PRR12: variants seen among roughly 807,000 people sequenced by gnomAD.
PRR12 encodes the protein proline rich 12.
Under a neutral mutation model 138.0 loss-of-function variants are expected in PRR12, and 12 were observed. That is an observed-to-expected ratio of 0.09 (90% CI 0.06 to 0.14). The LOEUF (loss-of-function observed/expected upper bound fraction) is 0.14, where lower values mean the gene tolerates loss of function less well. Among genes scored for constraint, PRR12 ranks in the 10% least tolerant of loss-of-function variants. The pLI, the probability that PRR12 is intolerant of heterozygous loss-of-function variation, is 1.00. For missense variants in PRR12, 2,692 were observed against 2,861.3 expected (o/e 0.94, Z 1.35); for synonymous variants, 1,567 against 1,291.7 (o/e 1.21, Z -4.57).
At chr19:49,602,979 C>T (rs2080820233) in intron 6 of PRR12, among the ~76,000 whole-genome samples, 1 of 152,282 alleles carries the variant, frequency 6.6e-6, no homozygotes, top group South Asian at 2.1e-4. Flanking sequence ...ATCCAGCCCA[C>T]TGCTTGTTTT....
chr19:49,615,909 C>A lies in PRR12; in HGVS notation c.5187C>A (p.Pro1729=). The change falls in exon 9 of 14, where the codon CCC becomes CCA. Residue 1729 remains proline (P), a synonymous_variant. Coordinates refer to ENST00000418929, the MANE Select transcript of PRR12 (RefSeq NM_020719.3). ...CGGCCATGCCTGAGCCCCCTGCCCC[C>A]GAGAAGCCCTCCCTCCTGCGGCCTG... The part of the protein sequence containing the change: ...PETAMPEPPA[P]EKPSLLRPVE... 3 of 1,563,914 alleles carry A rather than the reference C, an allele frequency of 1.9e-6. No individual in the cohort carries two copies. The highest frequency in any genetic ancestry group is 2.6e-6 in the Non-Finnish European group (3 of 1,154,246).
At position 49,599,363 on chromosome 19, in the gene PRR12, G is replaced by T. The variant is rs749403110; in HGVS notation, c.3770G>T (p.Ser1257Ile). The change falls in exon 5 of 14, where the codon AGC becomes ATC. Residue 1257 changes from serine (S) to isoleucine (I), a missense_variant. Physicochemically the swap from Ser to Ile is moderately radical, Grantham distance 142. Coordinates refer to ENST00000418929, the MANE Select transcript of PRR12 (RefSeq NM_020719.3). The surrounding 1 kb of genome is among the most constrained non-coding windows in gnomAD (Gnocchi z 5.0). The stretch of plus-strand genomic sequence containing the variant: ...ACTGACCACAACAGCCTGGACTCGA[G>T]CCTGACTCGGGAGAAGATCGAGGCC... Reference protein sequence around the residue: ...SGTDHNSLDSSLTREKIEAKI... With the variant: ...SGTDHNSLDSILTREKIEAKI... The T allele has an allele frequency of 1.4e-5, 22 of 1,613,188 alleles. No homozygotes were observed. Among genetic ancestry groups the T allele is most frequent in the Non-Finnish European group, 1.7e-5 (20 of 1,179,752 alleles).
chr19:49,609,030 G>C (rs1358018349), intron 6 of PRR12, among the ~76,000 whole-genome samples: 1 of 152,182 alleles, frequency 6.6e-6, no homozygotes, highest in Non-Finnish European at 1.5e-5. Context: ...TCACTGGGTG[G>C]AGACTGGGCA....
intron 6 of PRR12, among the ~76,000 whole-genome samples, chr19:49,603,046 G>A (rs1188506672): frequency 6.6e-6 from 1 of 152,210 alleles, no homozygotes; most frequent in South Asian, 2.1e-4. Flanking sequence ...TGTTGTCTAT[G>A]GCTGTTTTTC....
chr19:49,620,019 A>G (rs573556969), intron 9 of PRR12, among the ~76,000 whole-genome samples: 2 of 150,886 alleles, frequency 1.3e-5, no homozygotes, highest in South Asian at 2.1e-4. Flanking sequence ...CGCCTGGATA[A>G]TTTTTGTATT....
chr19:49,601,569 C>A lies in PRR12; in HGVS notation c.4424C>A (p.Pro1475His), dbSNP rs777541862. 5.8e-6 allele frequency: 9 copies of A among 1,541,880 alleles called. No homozygotes were observed. The highest frequency in any genetic ancestry group is 7.9e-6 in the Non-Finnish European group (9 of 1,140,904). The change falls in exon 6 of 14, where the codon CCT (proline) becomes CAT (histidine). Residue 1475 changes from proline to histidine, a missense_variant. Coordinates refer to ENST00000418929, the MANE Select transcript of PRR12 (RefSeq NM_020719.3). ...PTPQPQPPPP[P>H]PPPQPALPSP... ...CCTCAGCCTCAGCCTCCGCCACCCC[C>A]TCCGCCGCCACAGCCAGCCCTGCCC... is the stretch of plus-strand genomic sequence containing the variant.
intron 9 of PRR12, among the ~76,000 whole-genome samples, chr19:49,618,937 GCT>G: frequency 1.3e-5 from 2 of 151,928 alleles, no homozygotes; most frequent in Non-Finnish European, 2.9e-5. Flanking sequence ...CCTGCTCTCA[GCT>G]CTCTCATGGC....
Position 49,616,189 on chromosome 19 carries a change from G to C in PRR12, c.5467G>C (p.Glu1823Gln), listed in dbSNP as rs1309845356. 6.4e-7 allele frequency: 1 copy of C among 1,550,512 alleles called. No individual in the cohort carries two copies. Among genetic ancestry groups the C allele is most frequent in the East Asian group, 2.4e-5 (1 of 41,634 alleles). ...CCCACCAGGCAGCTCCTCGGACTCG[G>C]AGTCCTCCCCTGGAGCCCCCAGCGA... ...GGPPGSSSDSESSPGAPSEDE... is the reference protein window; with the variant it reads ...GGPPGSSSDSQSSPGAPSEDE... The change falls in exon 9 of 14, where the codon GAG becomes CAG. Residue 1823 changes from glutamate to glutamine, a missense_variant. Physicochemically the swap from Glu to Gln is conservative, Grantham distance 29 (BLOSUM62 2). Around this residue, in one of 11 missense-constraint regions of PRR12, gnomAD observed 259 missense variants for 265.1 expected, o/e 0.98. Transcript: ENST00000418929. The surrounding 1 kb of genome is among the most constrained non-coding windows in gnomAD (Gnocchi z 4.2).
chr19:49,609,388 G>A (rs559264227), intron 6 of PRR12, among the ~76,000 whole-genome samples: 7 of 152,102 alleles, frequency 4.6e-5, no homozygotes, highest in Admixed American at 2.0e-4. Flanking sequence ...ATCACTTGAA[G>A]TCAGGAGGTT....
Position 49,596,701 on chromosome 19 carries a change from A to G in PRR12, c.2366A>G (p.Asp789Gly), listed in dbSNP as rs2080772019. ...CTCCTTCTGGAGGCCGGGGGCCCTGACCTCCCACTGGTGCTGCCTCCGCCT... is the reference window on the plus strand; with the variant it reads ...CTCCTTCTGGAGGCCGGGGGCCCTGGCCTCCCACTGGTGCTGCCTCCGCCT... ...HGLLLEAGGP[D>G]LPLVLPPPPP... Residue 789 changes from aspartate (D) to glycine (G), a missense_variant, in exon 4 of 14, where the codon GAC (aspartate) becomes GGC (glycine). By Grantham distance (94) the Asp-to-Gly change is moderately conservative. Transcript: ENST00000418929. The surrounding 1 kb of genome is among the most constrained non-coding windows in gnomAD (Gnocchi z 5.6). The G allele has an allele frequency of 1.9e-6, 3 of 1,602,362 alleles. No individual in the cohort carries two copies. Among genetic ancestry groups the G allele is most frequent in the Non-Finnish European group, 2.5e-6 (3 of 1,178,184 alleles).
At position 49,596,651 on chromosome 19, in the gene PRR12, G is replaced by C; in HGVS notation, c.2316G>C (p.Gln772His). The C allele has an allele frequency of 6.2e-7, 1 of 1,602,332 alleles. No homozygotes were observed. The highest frequency in any genetic ancestry group is 1.3e-5 in the African/African-American group (1 of 74,554). ...KSPPPPPPTAQSTQPTPHGLL... is the reference protein window; with the variant it reads ...KSPPPPPPTAHSTQPTPHGLL... ...CTCCGCCCCCACCTCCCACGGCCCAGTCTACCCAGCCCACTCCCCATGGCC... is the reference window on the plus strand; with the variant it reads ...CTCCGCCCCCACCTCCCACGGCCCACTCTACCCAGCCCACTCCCCATGGCC... The change falls in exon 4 of 14, where the codon CAG (glutamine) becomes CAC (histidine). Residue 772 changes from glutamine to histidine, a missense_variant. By Grantham distance (24) the Gln-to-His change is conservative. This residue lies in a region of PRR12 where 840 missense variants were observed against 689.8 expected (regional missense o/e 1.22). Transcript: ENST00000418929. This position sits in a 1 kb window ranked among gnomAD's most constrained non-coding sequence, Gnocchi z 5.6.
At position 49,597,702 on chromosome 19, in the gene PRR12, G is replaced by C; in HGVS notation, c.3367G>C (p.Asp1123His). The C allele has an allele frequency of 6.2e-7, 1 of 1,606,634 alleles. No individual in the cohort carries two copies. Among genetic ancestry groups the C allele is most frequent in the Non-Finnish European group, 8.5e-7 (1 of 1,177,756 alleles). Reference protein sequence around the residue: ...DIRLNPRRLPDLVSSCRSRPA... With the variant: ...DIRLNPRRLPHLVSSCRSRPA... ...CCGCCTCAACCCCCGGCGCTTGCCTGACCTGGTCTCCAGCTGCCGCTCCCG... is the reference window on the plus strand; with the variant it reads ...CCGCCTCAACCCCCGGCGCTTGCCTCACCTGGTCTCCAGCTGCCGCTCCCG... Residue 1123 changes from aspartate to histidine, a missense_variant, in exon 4 of 14, where the codon GAC becomes CAC. By Grantham distance (81) the Asp-to-His change is moderately conservative. Around this residue, in one of 11 missense-constraint regions of PRR12, gnomAD observed 326 missense variants for 344.2 expected, o/e 0.95. Transcript: ENST00000418929. The surrounding 1 kb of genome is among the most constrained non-coding windows in gnomAD (Gnocchi z 6.3).
chr19:49,604,747 T>C (rs2080829710), intron 6 of PRR12, among the ~76,000 whole-genome samples: 1 of 152,176 alleles, frequency 6.6e-6, no homozygotes, highest in South Asian at 2.1e-4. Context: ...CTCCAAGTTT[T>C]ATCTTTTTAT....
At position 49,597,249 on chromosome 19, in the gene PRR12, G is replaced by A. The variant is rs1241916186; in HGVS notation, c.2914G>A (p.Gly972Arg). ...CAAGGCCGGGCCACCTGAGGACGAG[G>A]GGGACCCCAAGGCTGGCGCTGGGCC... ...YGKAGPPEDEGDPKAGAGPPP... is the reference protein window; with the variant it reads ...YGKAGPPEDERDPKAGAGPPP... The change falls in exon 4 of 14, where the codon GGG (glycine) becomes AGG (arginine). Residue 972 changes from glycine to arginine, a missense_variant. This residue lies in a region of PRR12 where 840 missense variants were observed against 689.8 expected (regional missense o/e 1.22). Transcript: ENST00000418929. This position sits in a 1 kb window ranked among gnomAD's most constrained non-coding sequence, Gnocchi z 6.3. 1 of 1,573,374 alleles carries A rather than the reference G, an allele frequency of 6.4e-7. No individual in the cohort carries two copies. Among genetic ancestry groups the A allele is most frequent in the Non-Finnish European group, 8.6e-7 (1 of 1,160,010 alleles).
chr19:49,610,909 A>G (rs2080862850), intron 6 of PRR12, among the ~76,000 whole-genome samples: 1 of 151,406 alleles, frequency 6.6e-6, no homozygotes, highest in South Asian at 2.1e-4. Context: ...CAGTGGCACA[A>G]TCTTGGCTCG....
At chr19:49,622,928 TAGAGAGAGAGAGAGAGAGAGAGAGAG>T (rs1312571676) in intron 11 of PRR12, among the ~76,000 whole-genome samples, 8 of 77,760 alleles carry the variant, frequency 1.0e-4, no homozygotes, top group Non-Finnish European at 1.8e-4. Flanking sequence ...TATATATATA[TAGAGAGAGAGAGAGAGAGAGAGAGAG>T]AGAAAGAGAG....
In PRR12 at chr19:49,599,142, G is replaced by A. The variant is rs985999807; in HGVS notation, c.3679-130G>A. 4 of 858,614 alleles carry A rather than the reference G, an allele frequency of 4.7e-6. No homozygotes were observed. Among genetic ancestry groups the A allele is most frequent in the Admixed American group, 6.1e-5 (2 of 32,768 alleles). The allele number at this position is 858,614 out of a possible 1,614,324, so 53.2% of individuals were successfully genotyped here. A position where few individuals can be genotyped will look rare whatever the true frequency, so the allele number is the denominator to read the frequency against. ...TGTCCTCCTAGAATCTAAGACAAGGGGTCTGCAGGTTTGAATTCTATAAAT... is the reference window on the plus strand; with the variant it reads ...TGTCCTCCTAGAATCTAAGACAAGGAGTCTGCAGGTTTGAATTCTATAAAT... On this transcript the variant is annotated intron_variant, in intron 4 of 13. Coordinates refer to ENST00000418929, the MANE Select transcript of PRR12 (RefSeq NM_020719.3). This position sits in a 1 kb window ranked among gnomAD's most constrained non-coding sequence, Gnocchi z 5.0.
At position 49,625,641 on chromosome 19, in the gene PRR12, C is replaced by A. The variant is rs747570720; in HGVS notation, c.*34C>A. The A allele has an allele frequency of 1.7e-5, 27 of 1,569,602 alleles. No individual in the cohort carries two copies. The highest frequency in any genetic ancestry group is 2.3e-5 in the Non-Finnish European group (27 of 1,158,450). On this transcript the variant is annotated 3_prime_UTR_variant, in exon 14 of 14. Transcript: ENST00000418929. This position sits in a 1 kb window ranked among gnomAD's most constrained non-coding sequence, Gnocchi z 5.5. ...CAGCTTGTGAGGGGGGCGCCTCCTC[C>A]ATGAACCGAGAATTGGGACAGAACC...
At chr19:49,612,176 G>A (rs2080870105) in intron 6 of PRR12, among the ~76,000 whole-genome samples, 1 of 148,784 alleles carries the variant, frequency 6.7e-6, no homozygotes, top group Non-Finnish European at 1.5e-5. Flanking sequence ...GTTGCAGTGA[G>A]CCGAGATTGC....
Sources: allele counts gnomAD v4.1 joint callset (sites outside exome capture counted in the v4.1 genomes callset), GRCh38; gene constraint gnomAD v4.1.1; regional missense constraint gnomAD v4.1.1; non-coding constraint Gnocchi (gnomAD v3.1); transcripts MANE v1.5; gene names NCBI Gene and HGNC (gene_info 2026-07-23, HGNC 2026-07-21).